Variants in DYSF observed in about 807,000 individuals in gnomAD.
DYSF encodes the protein dysferlin.
In DYSF, 212 loss-of-function variants were observed where a neutral mutation model predicts 274.9. The ratio of observed to expected loss-of-function variants is 0.77; its 90% CI spans 0.69 to 0.86. The LOEUF is 0.86. Among genes scored for constraint, DYSF ranks in the 40% least tolerant of loss-of-function variants. The probability of loss-of-function intolerance (pLI) is 0.00; values close to 1 mark genes in which losing one functional copy is unlikely to be tolerated. For missense variants in DYSF, 2,666 were observed against 2,783.2 expected, an observed-to-expected ratio of 0.96 and a Z score of 0.95; for synonymous variants, 1,091 against 1,078.7, an observed-to-expected ratio of 1.01 and a Z score of -0.22.
At chr2:71,617,258 T>G (rs1439620115) in intron 40 of DYSF, among the ~76,000 whole-genome samples, 1 of 152,230 alleles carries the variant, frequency 6.6e-6, no homozygotes, top group Non-Finnish European at 1.5e-5. Context: ...AAGTTCCGAC[T>G]CTGGTCACAA....
At chr2:71,552,960 G>T (rs770915254) in intron 19 of DYSF, 51 bp from the exon 20 acceptor site, 1 of 1,602,694 alleles carries the variant, frequency 6.2e-7, no homozygotes, top group Non-Finnish European at 8.5e-7. Flanking sequence ...CCCAGCCTGG[G>T]TGCCTTTCTT....
chr2:71,610,401 G>A (rs1333234420), intron 36 of DYSF, among the ~76,000 whole-genome samples: 6 of 152,272 alleles, frequency 3.9e-5, no homozygotes, highest in East Asian at 3.9e-4. Flanking sequence ...TTTATTTAAC[G>A]TCATACATAG....
chr2:71,620,748 A>G (rs1189831722), intron 41 of DYSF, 139 bp downstream of exon 41: 1 of 880,192 alleles, frequency 1.1e-6, no homozygotes, highest in East Asian at 2.7e-5. Flanking sequence ...GAAGTCACCT[A>G]TCTTTGCCTC....
At chr2:71,617,858 GT>G (rs2093936148) in intron 40 of DYSF, among the ~76,000 whole-genome samples, 1 of 31,352 alleles carries the variant, frequency 3.2e-5, no homozygotes, top group Non-Finnish European at 9.4e-5. Context: ...GAGATGGGGT[GT>G]GTGTGTGTGG....
intron 19 of DYSF, among the ~76,000 whole-genome samples, chr2:71,552,218 C>CTG: frequency 6.6e-6 from 1 of 152,228 alleles, no homozygotes; most frequent in East Asian, 1.9e-4. Context: ...TGTGTGGAGT[C>CTG]TGTGTGGTGC....
intron 12 of DYSF, among the ~76,000 whole-genome samples, chr2:71,525,191 T>A (rs559287892): frequency 6.6e-6 from 1 of 152,118 alleles, no homozygotes; most frequent in African/African-American, 2.4e-5. Flanking sequence ...GTGACCTGGG[T>A]TTCCCAGGTG....
At chr2:71,541,396 G>A (rs541829564) in intron 17 of DYSF, among the ~76,000 whole-genome samples, 35 of 152,138 alleles carry the variant, frequency 2.3e-4, no homozygotes, top group African/African-American at 6.0e-4. Context: ...CATCCATTAC[G>A]TTGAGGTATA....
intron 21 of DYSF, among the ~76,000 whole-genome samples, chr2:71,554,193 G>A (rs1310130385): frequency 6.6e-6 from 1 of 152,208 alleles, no homozygotes; most frequent in Admixed American, 6.5e-5. Flanking sequence ...GGAGCAGAAG[G>A]AAAACCTATG....
intron 52 of DYSF, among the ~76,000 whole-genome samples, chr2:71,678,702 A>G (rs965369352): frequency 4.6e-5 from 7 of 152,204 alleles, no homozygotes; most frequent in Non-Finnish European, 8.8e-5. Context: ...GTATTTTACC[A>G]TGATAAAAAT....
chr2:71,671,687 G>A (rs1235524204), intron 51 of DYSF, among the ~76,000 whole-genome samples: 1 of 152,234 alleles, frequency 6.6e-6, no homozygotes, highest in Non-Finnish European at 1.5e-5. Flanking sequence ...ACAGAGAGAT[G>A]GGGAGGGAAT....
intron 41 of DYSF, among the ~76,000 whole-genome samples, chr2:71,624,726 G>A (rs1371396313): frequency 1.3e-5 from 2 of 152,100 alleles, no homozygotes; most frequent in African/African-American, 2.4e-5. Flanking sequence ...TTCCTAACAC[G>A]GGATAGCCAT....
At position 71,515,615 on chromosome 2, in the gene DYSF, G is replaced by A; in HGVS notation, c.760-8G>A. ...TTCCTCCTGCTCTTTCCTCCTTCTG[G>A]CTTTCAGATCAGGGTCCAGGTGATC... On this transcript the variant is annotated splice_region_variant and splice_polypyrimidine_tract_variant and intron_variant, in intron 7 of 55. Coordinates refer to ENST00000410020, the MANE Select transcript of DYSF (RefSeq NM_001130987.2). 2 of 1,613,714 alleles carry A rather than the reference G, an allele frequency of 1.2e-6. No individual in the cohort carries two copies. Among genetic ancestry groups the A allele is most frequent in the Non-Finnish European group, 1.7e-6 (2 of 1,179,802 alleles).
intron 16 of DYSF, among the ~76,000 whole-genome samples, chr2:71,537,474 G>A (rs1308174514): frequency 6.6e-6 from 1 of 152,052 alleles, no homozygotes; most frequent in African/African-American, 2.4e-5. Flanking sequence ...TTGAACTCCT[G>A]ATCTCAGGTG....
At position 71,526,330 on chromosome 2, in the gene DYSF, C is replaced by CGAGGACTTGCCGCA. The variant is rs746745779; in HGVS notation, c.1264_1276+1dup. On this transcript the variant is annotated frameshift_variant, in exon 13 of 56. Coordinates refer to ENST00000410020, the MANE Select transcript of DYSF (RefSeq NM_001130987.2). LOFTEE classifies it high-confidence loss of function. ...ACTTCTGCCTGAAGGTCTTCCGGGCCGAGGACTTGCCGCAGAGTGCGTGGG... is the reference window on the plus strand; with the variant it reads ...ACTTCTGCCTGAAGGTCTTCCGGGCCGAGGACTTGCCGCAGAGGACTTGCCGCAGAGTGCGTGGG... The CGAGGACTTGCCGCA allele has an allele frequency of 1.9e-6, 3 of 1,553,114 alleles. No individual in the cohort carries two copies. In the South Asian group the frequency reaches 3.3e-5, roughly 17 times the overall value.
intron 52 of DYSF, among the ~76,000 whole-genome samples, chr2:71,676,929 A>ATGTGTGTG (rs3055157): frequency 2.1e-4 from 31 of 150,144 alleles, no homozygotes; most frequent in African/African-American, 4.9e-4. Context: ...ATGTGTGTGT[A>ATGTGTGTG]TGTGTGTGTG....
At chr2:71,514,441 A>G (rs1039550069) in intron 7 of DYSF, among the ~76,000 whole-genome samples, 4 of 152,046 alleles carry the variant, frequency 2.6e-5, no homozygotes, top group Admixed American at 6.6e-5. Context: ...ATAGCCATGG[A>G]TTTTTCTGAG....
At position 71,611,268 on chromosome 2, in the gene DYSF, C is replaced by T. The variant is rs745549938; in HGVS notation, c.3981C>T (p.Tyr1327=). ...LDESEDTDLP[Y]PPPQREANIY... is the part of the protein sequence containing the mutation. ...AGTCTGAGGACACAGACCTGCCCTACCCACCACCCCAGAGGGAGGCCAACA... is the reference window on the plus strand; with the variant it reads ...AGTCTGAGGACACAGACCTGCCCTATCCACCACCCCAGAGGGAGGCCAACA... Residue 1327 remains tyrosine, a synonymous_variant, in exon 37 of 56, where the codon TAC becomes TAT. Transcript: ENST00000410020. 5 of 1,613,990 alleles carry T rather than the reference C, an allele frequency of 3.1e-6. 1 individual carries two copies. In the South Asian group the frequency reaches 4.4e-5, roughly 14 times the overall value.
chr2:71,638,322 A>G (rs929903472), intron 41 of DYSF, among the ~76,000 whole-genome samples: 1 of 149,508 alleles, frequency 6.7e-6, no homozygotes, highest in African/African-American at 2.5e-5. Context: ...GAGTTGTGCA[A>G]CCATGACCGG....
rs899813584 is a variant in DYSF, at chr2:71,570,016, G to A, written c.2979+82G>A. On this transcript the variant is annotated intron_variant, in intron 27 of 55. Coordinates refer to ENST00000410020, the MANE Select transcript of DYSF (RefSeq NM_001130987.2). ...TGGTGCTCAGGGACAGGTGGGGCAT[G>A]TTTCTCTTTGCCCCCTCTTACCTCC... 7.5e-5 allele frequency: 98 copies of A among 1,302,108 alleles called. 1 individual carries two copies. The highest frequency in any genetic ancestry group is 1.0e-4 in the Non-Finnish European group (95 of 906,088). The allele number at this position is 1,302,108 out of a possible 1,614,324, so 80.7% of individuals were successfully genotyped here.
Sources: gnomAD v4.1 joint callset for allele counts (sites outside exome capture counted in the v4.1 genomes callset) on GRCh38, gnomAD v4.1.1 for gene constraint, MANE v1.5 for transcripts, NCBI Gene and HGNC (gene_info 2026-07-23, HGNC 2026-07-21) for gene names.